Variants in RIT2 observed in about 807,000 individuals in gnomAD.
The protein encoded by RIT2 is GTP-binding protein Rit2.
A neutral mutation model predicts 23.7 loss-of-function variants in RIT2; 24 were observed. That is an observed-to-expected ratio of 1.01 (90% confidence interval 0.73 to 1.43). The LOEUF is 1.43. Ranked by LOEUF, RIT2 falls within the 40% of genes most tolerant of loss-of-function variation. The pLI, the probability that RIT2 is intolerant of heterozygous loss-of-function variation, is 0.00. For synonymous variants in RIT2, 107 were observed against 91.1 expected (o/e 1.17, Z -0.99); for missense variants, 236 against 266.9 (o/e 0.88, Z 0.81).
intron 3 of RIT2, among the ~76,000 whole-genome samples, chr18:42,952,170 C>T (rs1263089929): frequency 6.6e-6 from 1 of 152,050 alleles, no homozygotes; most frequent in Non-Finnish European, 1.5e-5. Context: ...CATGGCCAAA[C>T]CATATCACAC....
At chr18:43,062,309 A>C (rs1245443764) in intron 1 of RIT2, among the ~76,000 whole-genome samples, 1 of 152,168 alleles carries the variant, frequency 6.6e-6, no homozygotes, top group Non-Finnish European at 1.5e-5. Flanking sequence ...CTTTACTTCA[A>C]GACAAAAAAG....
At chr18:42,836,239 T>A (rs1906599315) in intron 4 of RIT2, among the ~76,000 whole-genome samples, 1 of 152,214 alleles carries the variant, frequency 6.6e-6, no homozygotes, top group South Asian at 2.1e-4. Flanking sequence ...CTTCCTTTCT[T>A]GTCTTGGAGG....
chr18:42,864,125 A>T (rs1907406170), intron 4 of RIT2, among the ~76,000 whole-genome samples: 1 of 151,928 alleles, frequency 6.6e-6, no homozygotes, highest in Non-Finnish European at 1.5e-5. Context: ...AGAACACAGG[A>T]TGTAACACTT....
At chr18:42,895,268 C>G (rs1462748027) in intron 4 of RIT2, among the ~76,000 whole-genome samples, 1 of 151,918 alleles carries the variant, frequency 6.6e-6, no homozygotes, top group African/African-American at 2.4e-5. Context: ...GCACAGCTTA[C>G]AATGATTACT....
intron 4 of RIT2, among the ~76,000 whole-genome samples, chr18:42,891,273 T>A (rs1908167291): frequency 6.6e-6 from 1 of 152,146 alleles, no homozygotes; most frequent in Admixed American, 6.6e-5. Flanking sequence ...TGAAGGTACA[T>A]CAAACCATCT....
intron 3 of RIT2, among the ~76,000 whole-genome samples, chr18:42,972,027 C>A (rs1405441755): frequency 1.3e-5 from 2 of 152,012 alleles, no homozygotes; most frequent in African/African-American, 2.4e-5. Context: ...TCTACCAAAG[C>A]ATAATTCTAG....
chr18:42,986,394 G>C (rs1162336168), intron 2 of RIT2, among the ~76,000 whole-genome samples: 1 of 152,126 alleles, frequency 6.6e-6, no homozygotes, highest in Non-Finnish European at 1.5e-5. Context: ...ATGAAGGGCA[G>C]GCAAAAGACT....
intron 4 of RIT2, among the ~76,000 whole-genome samples, chr18:42,881,863 G>A (rs1160198729): frequency 6.6e-6 from 1 of 152,178 alleles, no homozygotes; most frequent in Non-Finnish European, 1.5e-5. Flanking sequence ...TAGATAGTGA[G>A]TGAAGAATGT....
At chr18:42,868,673 T>C (rs901623411) in intron 4 of RIT2, among the ~76,000 whole-genome samples, 2 of 152,198 alleles carry the variant, frequency 1.3e-5, no homozygotes, top group Non-Finnish European at 2.9e-5. Flanking sequence ...CATGAAGAAA[T>C]GGTGCCATCT....
chr18:42,958,961 C>T (rs1352755390), intron 3 of RIT2, among the ~76,000 whole-genome samples: 1 of 152,142 alleles, frequency 6.6e-6, no homozygotes, highest in South Asian at 2.1e-4. Flanking sequence ...TTTATTTCCT[C>T]CCTTATCTGC....
At chr18:43,028,014 C>T (rs1209054522) in intron 2 of RIT2, among the ~76,000 whole-genome samples, 1 of 151,906 alleles carries the variant, frequency 6.6e-6, no homozygotes, top group Non-Finnish European at 1.5e-5. Flanking sequence ...GTATGAAATT[C>T]AGAAAAAAGC....
At chr18:43,023,350 G>A (rs571581687) in intron 2 of RIT2, among the ~76,000 whole-genome samples, 1 of 152,114 alleles carries the variant, frequency 6.6e-6, no homozygotes, top group East Asian at 1.9e-4. Context: ...CATTATGGTT[G>A]CCTTTCCATT....
intron 1 of RIT2, among the ~76,000 whole-genome samples, chr18:43,096,791 AG>A (rs1014687119): frequency 4.6e-5 from 7 of 151,910 alleles, no homozygotes; most frequent in Non-Finnish European, 1.0e-4. Context: ...ATACTCAAAA[AG>A]TTATATAAAA....
At chr18:42,857,461 T>G (rs1568014282) in intron 4 of RIT2, among the ~76,000 whole-genome samples, 2 of 152,214 alleles carry the variant, frequency 1.3e-5, no homozygotes. Context: ...TTTCCTGACC[T>G]AGTCTAACAG....
chr18:42,777,918 A>G (rs566427940), intron 4 of RIT2, among the ~76,000 whole-genome samples: 5 of 152,360 alleles, frequency 3.3e-5, no homozygotes, highest in African/African-American at 1.2e-4. Context: ...AACATACTTC[A>G]TAAAATGATC....
chr18:43,113,052 C>T (rs1568086038), intron 1 of RIT2, among the ~76,000 whole-genome samples: 1 of 152,064 alleles, frequency 6.6e-6, no homozygotes, highest in Non-Finnish European at 1.5e-5. Flanking sequence ...CATGATCATG[C>T]CACTGCACCC....
chr18:43,035,157 C>A (rs1911946195), intron 1 of RIT2, among the ~76,000 whole-genome samples: 1 of 152,156 alleles, frequency 6.6e-6, no homozygotes, highest in Non-Finnish European at 1.5e-5. Flanking sequence ...TCTGACCCTG[C>A]TGAGAAAAGC....
chr18:42,812,480 G>A (rs944793614), intron 4 of RIT2, among the ~76,000 whole-genome samples: 4 of 152,080 alleles, frequency 2.6e-5, no homozygotes, highest in African/African-American at 9.7e-5. Context: ...TGGCATCTTT[G>A]GCTTGGAGAA....
rs148123888 is a variant in RIT2 at position 42,771,844 on chromosome 18, C to T, written c.427-28124G>A. Among the ~76,000 whole-genome samples, 194 of 152,176 alleles carry T rather than the reference C, an allele frequency of 1.3e-3. 1 individual carries two copies. Among genetic ancestry groups the T allele is most frequent in the African/African-American group, 4.5e-3 (185 of 41,516 alleles). The stretch of plus-strand genomic sequence containing the variant: ...TAGTAGTTCAAAGAGTTACAGTGAC[C>T]TTTCAAGTGAGGCAGTAATTAGAAA... On this transcript the variant is annotated intron_variant, in intron 4 of 4. Transcript: ENST00000326695.
Sources: allele counts gnomAD v4.1 joint callset (sites outside exome capture counted in the v4.1 genomes callset), GRCh38; gene constraint gnomAD v4.1.1; transcripts MANE v1.5; gene names NCBI Gene and HGNC (gene_info 2026-07-23, HGNC 2026-07-21).